TRIM26: variants seen among roughly 807,000 people sequenced by gnomAD.
TRIM26 encodes the protein tripartite motif containing 26.
In TRIM26, 16 loss-of-function variants were observed where a neutral mutation model predicts 45.5. The ratio of observed to expected loss-of-function variants is 0.35; its 90% CI spans 0.24 to 0.53. TRIM26 has a LOEUF of 0.53. TRIM26 is among the 20% of genes least tolerant of loss of function. TRIM26 has a pLI of 0.92. For missense variants in TRIM26, 442 were observed against 691.1 expected (o/e 0.64, Z 4.04); for synonymous variants, 273 against 290.4 (o/e 0.94, Z 0.61).
intron 1 of TRIM26, among the ~76,000 whole-genome samples, chr6:30,208,617 TCTAA>T (rs1455111328): frequency 6.6e-6 from 1 of 151,880 alleles, no homozygotes; most frequent in Non-Finnish European, 1.5e-5. Context: ...ATTGCTGCTC[TCTAA>T]CTATACAATT....
intron 1 of TRIM26, among the ~76,000 whole-genome samples, chr6:30,211,848 A>T (rs1778317077): frequency 8.1e-6 from 1 of 122,884 alleles, no homozygotes; most frequent in Non-Finnish European, 1.9e-5. Context: ...ATAAATTAAT[A>T]AATTGGGGGA....
At chr6:30,210,416 G>A (rs1355244856) in intron 1 of TRIM26, among the ~76,000 whole-genome samples, 1 of 152,116 alleles carries the variant, frequency 6.6e-6, no homozygotes, top group Non-Finnish European at 1.5e-5. Flanking sequence ...ATCCTTGAAG[G>A]CTTGAATACA....
chr6:30,203,418 A>G, intron 2 of TRIM26, among the ~76,000 whole-genome samples: 1 of 151,662 alleles, frequency 6.6e-6, no homozygotes, highest in East Asian at 1.9e-4. Context: ...ATTTATTAAT[A>G]TATTTATTTA....
In TRIM26 at chr6:30,198,852, G is replaced by C. The variant is rs1374326400; in HGVS notation, c.252C>G (p.Asp84Glu). Residue 84 changes from aspartate to glutamate, a missense_variant, in exon 4 of 10, where the codon GAC (aspartate) becomes GAG (glutamate). Physicochemically the swap from Asp to Glu is conservative, Grantham distance 45. Transcript: ENST00000454678. This position sits in a 1 kb window ranked among gnomAD's most constrained non-coding sequence, Gnocchi z 6.3. ...TCACCTCTCCCGGCTGCCTGCCCTT[G>C]TCCACCTTCAGCCGCTCAATGTTCT... ...LVENIERLKVDKGRQPGEVTR... is the reference protein window; with the variant it reads ...LVENIERLKVEKGRQPGEVTR... 3.1e-6 allele frequency: 5 copies of C among 1,612,916 alleles called. No individual in the cohort carries two copies. Among genetic ancestry groups the C allele is most frequent in the Non-Finnish European group, 4.2e-6 (5 of 1,180,026 alleles).
At position 30,185,755 on chromosome 6, in the gene TRIM26, G is replaced by T; in HGVS notation, c.*121C>A. 8.9e-7 allele frequency: 1 copy of T among 1,129,290 alleles called. No homozygotes were observed. Among genetic ancestry groups the T allele is most frequent in the Non-Finnish European group, 1.2e-6 (1 of 801,360 alleles). 70.0% of individuals were successfully genotyped at this position (1,129,290 alleles called of 1,614,324 possible). A position where few individuals can be genotyped will look rare whatever the true frequency, so the allele number is the denominator to read the frequency against. On this transcript the variant is annotated 3_prime_UTR_variant, in exon 10 of 10. Transcript: ENST00000454678. The surrounding 1 kb of genome is among the most constrained non-coding windows in gnomAD (Gnocchi z 5.7). Reference sequence around the variant, plus strand: ...CACAGCAATGGGGAGGTGGCTACCAGTGGATATGGGGTCCCCTGCTCCAGG... The same window carrying T: ...CACAGCAATGGGGAGGTGGCTACCATTGGATATGGGGTCCCCTGCTCCAGG...
At position 30,198,680 on chromosome 6, in the gene TRIM26, C is replaced by A; in HGVS notation, c.424G>T (p.Ala142Ser). ...AGAGGGCTTACCCTGTGGGGCTGGG[C>A]GGCCTTCTCCATGAGGACGGCCGTG... ...PHTAVLMEKA[A>S]QPHREKILNH... is the part of the protein sequence containing the mutation. The change falls in exon 4 of 10, where the codon GCC becomes TCC. Residue 142 changes from alanine (A) to serine (S), a missense_variant. Physicochemically the swap from Ala to Ser is moderately conservative, Grantham distance 99. Coordinates refer to ENST00000454678, the MANE Select transcript of TRIM26 (RefSeq NM_003449.5). This position sits in a 1 kb window ranked among gnomAD's most constrained non-coding sequence, Gnocchi z 6.3. 6.2e-7 allele frequency: 1 copy of A among 1,604,062 alleles called. No homozygotes were observed. Among genetic ancestry groups the A allele is most frequent in the Non-Finnish European group, 8.5e-7 (1 of 1,178,352 alleles).
At chr6:30,212,038 C>G (rs1778339597) in intron 1 of TRIM26, among the ~76,000 whole-genome samples, 1 of 152,176 alleles carries the variant, frequency 6.6e-6, no homozygotes, top group Non-Finnish European at 1.5e-5. Flanking sequence ...GTGGAGAAAC[C>G]TGAAAAACAC....
chr6:30,210,218 A>G (rs1028474438), intron 1 of TRIM26, among the ~76,000 whole-genome samples: 17 of 151,738 alleles, frequency 1.1e-4, no homozygotes, highest in African/African-American at 4.1e-4. Flanking sequence ...ACAAAAAAAA[A>G]AAACTGCACA....
chr6:30,193,148 G>T (rs1776072385), intron 6 of TRIM26, among the ~76,000 whole-genome samples: 1 of 51,678 alleles, frequency 1.9e-5, no homozygotes, highest in African/African-American at 1.1e-4. Flanking sequence ...GTGTGTGTGT[G>T]TGTGTGTGTG....
chr6:30,188,561 A>G, intron 9 of TRIM26: 1 of 241,002 alleles, frequency 4.1e-6, no homozygotes, highest in Non-Finnish European at 8.6e-6. Context: ...CTGCTATGGG[A>G]TTTTATCCTG....
chr6:30,198,026 C>A lies in TRIM26; in HGVS notation c.534+403G>T, dbSNP rs1458603198. On this transcript the variant is annotated intron_variant, in intron 5 of 9. Transcript: ENST00000454678. This position sits in a 1 kb window ranked among gnomAD's most constrained non-coding sequence, Gnocchi z 6.3. The stretch of plus-strand genomic sequence containing the variant: ...TTCCCTCTCAGTTCTTACCCTGGAG[C>A]CAGCTCCCTCCTTCTAAACCCTCTC... 6.6e-6 allele frequency among the ~76,000 whole-genome samples: 1 copy of A among 152,188 alleles called. No individual in the cohort carries two copies. The highest frequency in any genetic ancestry group is 1.5e-5 in the Non-Finnish European group (1 of 68,032).
At position 30,186,019 on chromosome 6, in the gene TRIM26, G is replaced by A. The variant is rs1341091921; in HGVS notation, c.1477C>T (p.Leu493=). The change falls in exon 10 of 10, where the codon CTG becomes TTG. Residue 493 remains leucine (L), a synonymous_variant. Transcript: ENST00000454678. The surrounding 1 kb of genome is among the most constrained non-coding windows in gnomAD (Gnocchi z 7.4). ...GTCACGGTGCCCCCTTCATAATCCAGGGCGATGCCCACTCTCCGGGGCCGC... is the reference window on the plus strand; with the variant it reads ...GTCACGGTGCCCCCTTCATAATCCAAGGCGATGCCCACTCTCCGGGGCCGC... ...ALRPRRVGIA[L]DYEGGTVTFT... 6.2e-7 allele frequency: 1 copy of A among 1,610,248 alleles called. No individual in the cohort carries two copies. Among genetic ancestry groups the A allele is most frequent in the East Asian group, 2.2e-5 (1 of 44,780 alleles).
chr6:30,207,607 C>A lies in TRIM26; in HGVS notation c.-375-2842G>T, dbSNP rs1246850386. Among the ~76,000 whole-genome samples the A allele has an allele frequency of 6.6e-6, 1 of 152,102 alleles. No homozygotes were observed. The highest frequency in any genetic ancestry group is 1.5e-5 in the Non-Finnish European group (1 of 68,010). On this transcript the variant is annotated intron_variant, in intron 1 of 9. Transcript: ENST00000454678. The surrounding 1 kb of genome is among the most constrained non-coding windows in gnomAD (Gnocchi z 4.9). ...CTTTCTGGTGCTCCAGGAATAAAGT[C>A]AAAACTCCTGTCCTTCCTTTCTTCT...
At chr6:30,205,218 G>A (rs1237373667) in intron 1 of TRIM26, among the ~76,000 whole-genome samples, 1 of 152,034 alleles carries the variant, frequency 6.6e-6, no homozygotes. Flanking sequence ...CTCCAGCCTG[G>A]GCAACAAGAG....
intron 1 of TRIM26, among the ~76,000 whole-genome samples, chr6:30,212,217 G>C (rs983539786): frequency 2.3e-4 from 35 of 152,196 alleles, no homozygotes; most frequent in African/African-American, 7.5e-4. Context: ...CAACATACAC[G>C]ACCAGTATTC....
chr6:30,198,824 G>A lies in TRIM26; in HGVS notation c.280C>T (p.Arg94Trp), dbSNP rs147040908. 118 of 1,612,296 alleles carry A rather than the reference G, an allele frequency of 7.3e-5. No individual in the cohort carries two copies. In the African/African-American group the frequency reaches 1.1e-3, roughly 15 times the overall value. ...CACAACTTTGCATCCTGCTGCTCCC[G>A]GGTCACCTCTCCCGGCTGCCTGCCC... Reference protein sequence around the residue: ...DKGRQPGEVTREQQDAKLCER... With the variant: ...DKGRQPGEVTWEQQDAKLCER... Residue 94 changes from arginine (R) to tryptophan (W), a missense_variant, in exon 4 of 10, where the codon CGG becomes TGG. Physicochemically the swap from Arg to Trp is moderately radical, Grantham distance 101. Transcript: ENST00000454678. This position sits in a 1 kb window ranked among gnomAD's most constrained non-coding sequence, Gnocchi z 6.3.
rs1207915695 is a variant in TRIM26 at position 30,190,387 on chromosome 6, T to C, written c.766-352A>G. 1 of 365,364 alleles carries C rather than the reference T, an allele frequency of 2.7e-6. No individual in the cohort carries two copies. Among genetic ancestry groups the C allele is most frequent in the Admixed American group, 3.9e-5 (1 of 25,888 alleles). 22.6% of individuals were successfully genotyped at this position (365,364 alleles called of 1,614,324 possible). A position where few individuals can be genotyped will look rare whatever the true frequency, so the allele number is the denominator to read the frequency against. ...AGAGGCCAGACTGCGCAGGGCTGGA[T>C]ATGCATGGTAAGGAGTTTCACTTTT... is the stretch of plus-strand genomic sequence containing the variant. On this transcript the variant is annotated intron_variant, in intron 6 of 9. Transcript: ENST00000454678. This position sits in a 1 kb window ranked among gnomAD's most constrained non-coding sequence, Gnocchi z 4.3.
In TRIM26 at chr6:30,196,315, T is replaced by C. The variant is rs1274626925; in HGVS notation, c.765+201A>G. 6.6e-6 allele frequency among the ~76,000 whole-genome samples: 1 copy of C among 152,268 alleles called. No homozygotes were observed. The highest frequency in any genetic ancestry group is 2.4e-5 in the African/African-American group (1 of 41,482). On this transcript the variant is annotated intron_variant, in intron 6 of 9. Transcript: ENST00000454678. This position sits in a 1 kb window ranked among gnomAD's most constrained non-coding sequence, Gnocchi z 4.9. ...TGAACAGTTTTGTGTAAAAAGTTTATTTTTTGAAGTGACAGCATGCCAGTT... is the reference window on the plus strand; with the variant it reads ...TGAACAGTTTTGTGTAAAAAGTTTACTTTTTGAAGTGACAGCATGCCAGTT...
In TRIM26 at chr6:30,186,573, G is replaced by GGA. The variant is rs34521005; in HGVS notation, c.938-16_938-15insTC. ...GGTGACGCTCACTGTGGGGACAAGG[G>GGA]AAAAAAAAAAAAACAGCATCACTGT... is the stretch of plus-strand genomic sequence containing the variant. On this transcript the variant is annotated splice_polypyrimidine_tract_variant and intron_variant, in intron 9 of 9. Transcript: ENST00000454678. This position sits in a 1 kb window ranked among gnomAD's most constrained non-coding sequence, Gnocchi z 7.4. 4.7e-5 allele frequency: 64 copies of GGA among 1,355,718 alleles called. No individual in the cohort carries two copies. In the East Asian group the frequency reaches 8.1e-4, roughly 17 times the overall value. 84.0% of individuals were successfully genotyped at this position (1,355,718 alleles called of 1,614,324 possible). A position where few individuals can be genotyped will look rare whatever the true frequency, so the allele number is the denominator to read the frequency against.
Sources: allele counts gnomAD v4.1 joint callset (sites outside exome capture counted in the v4.1 genomes callset), GRCh38; gene constraint gnomAD v4.1.1; non-coding constraint Gnocchi (gnomAD v3.1); transcripts MANE v1.5; gene names NCBI Gene and HGNC (gene_info 2026-07-23, HGNC 2026-07-21).